Variants in HOXD12 observed in about 807,000 individuals in gnomAD.
HOXD12 encodes homeobox protein Hox-D12.
HOXD12 carries 21 observed loss-of-function variants against 20.2 expected under a neutral mutation model. The ratio of observed to expected loss-of-function variants is 1.04; its 90% CI spans 0.74 to 1.50. The LOEUF (loss-of-function observed/expected upper bound fraction) is 1.50, where lower values mean the gene tolerates loss of function less well. HOXD12 is among the 40% of genes most tolerant of loss of function. HOXD12 has a pLI of 0.00. For synonymous variants in HOXD12, 196 were observed against 168.8 expected (o/e 1.16, Z -1.25); for missense variants, 472 against 365.5 (o/e 1.29, Z -2.38).
At position 176,100,147 on chromosome 2, in the gene HOXD12, C is replaced by A. The variant is rs750366434; in HGVS notation, c.346C>A (p.Arg116=). The A allele has an allele frequency of 6.2e-7, 1 of 1,611,296 alleles. No homozygotes were observed. The highest frequency in any genetic ancestry group is 8.5e-7 in the Non-Finnish European group (1 of 1,179,630). ...TGGGCCAGAGGAGCGCGGTCGTACC[C>A]GGCCGTCCTTCGCCCCCGAGTCTAG... The part of the protein sequence containing the change: ...AAGPEERGRT[R]PSFAPESSLA... The change falls in exon 1 of 2, where the codon CGG becomes AGG. Residue 116 remains arginine, a synonymous_variant. Coordinates refer to ENST00000406506, the MANE Select transcript of HOXD12 (RefSeq NM_021193.4).
In HOXD12 at chr2:176,100,172, G is replaced by A; in HGVS notation, c.371G>A (p.Ser124Asn). ...CGGCCGTCCTTCGCCCCCGAGTCTA[G>A]CCTGGCTCCTGCAGTGGCTGCTCTC... ...RTRPSFAPES[S>N]LAPAVAALKA... is the part of the protein sequence containing the mutation. Residue 124 changes from serine to asparagine, a missense_variant, in exon 1 of 2, where the codon AGC (serine) becomes AAC (asparagine). Physicochemically the swap from Ser to Asn is conservative, Grantham distance 46. Coordinates refer to ENST00000406506, the MANE Select transcript of HOXD12 (RefSeq NM_021193.4). The A allele has an allele frequency of 1.2e-6, 2 of 1,612,388 alleles. No homozygotes were observed. Among genetic ancestry groups the A allele is most frequent in the South Asian group, 1.1e-5 (1 of 91,062 alleles).
rs1038937126 is a variant in HOXD12, at chr2:176,100,858, G to A, written c.*98G>A. On this transcript the variant is annotated 3_prime_UTR_variant, in exon 2 of 2. Transcript: ENST00000406506. The stretch of plus-strand genomic sequence containing the variant: ...GGCTAAGGCTAAGGCTTTTCCTTCG[G>A]TTCCTTCTCTGCTGGCCCCAGAAGC... The A allele has an allele frequency of 7.3e-6, 6 of 816,630 alleles. No individual in the cohort carries two copies. In the African/African-American group the frequency reaches 1.0e-4, roughly 14 times the overall value. The allele number at this position is 816,630 out of a possible 1,614,324, so 50.6% of individuals were successfully genotyped here. A position where few individuals can be genotyped will look rare whatever the true frequency, so the allele number is the denominator to read the frequency against.
rs1559110732 is a variant in HOXD12 at position 176,099,836 on chromosome 2, T to G, written c.35T>G (p.Val12Gly). ...CGCAGTCTCTACAGAGCGGGCTATGTGGGCTCGCTTCTGAATCTGCAGTCG... is the reference window on the plus strand; with the variant it reads ...CGCAGTCTCTACAGAGCGGGCTATGGGGGCTCGCTTCTGAATCTGCAGTCG... ...CERSLYRAGY[V>G]GSLLNLQSPD... The change falls in exon 1 of 2, where the codon GTG becomes GGG. Residue 12 changes from valine to glycine, a missense_variant. Transcript: ENST00000406506. The G allele has an allele frequency of 7.1e-6, 11 of 1,549,426 alleles. No individual in the cohort carries two copies. Among genetic ancestry groups the G allele is most frequent in the Non-Finnish European group, 9.5e-6 (11 of 1,154,916 alleles).
rs1211646314 is a variant in HOXD12 at position 176,100,120 on chromosome 2, G to T, written c.319G>T (p.Ala107Ser). The T allele has an allele frequency of 6.2e-7, 1 of 1,609,902 alleles. No homozygotes were observed. The highest frequency in any genetic ancestry group is 8.5e-7 in the Non-Finnish European group (1 of 1,179,344). Reference protein sequence around the residue: ...QAKFYAPEAAAGPEERGRTRP... With the variant: ...QAKFYAPEAASGPEERGRTRP... The stretch of plus-strand genomic sequence containing the variant: ...TAAGTTCTATGCGCCCGAAGCGGCC[G>T]CTGGGCCAGAGGAGCGCGGTCGTAC... The change falls in exon 1 of 2, where the codon GCT becomes TCT. Residue 107 changes from alanine to serine, a missense_variant. Coordinates refer to ENST00000406506, the MANE Select transcript of HOXD12 (RefSeq NM_021193.4).
chr2:176,099,819 C>T lies in HOXD12; in HGVS notation c.18C>T (p.Leu6=), dbSNP rs746182053. Residue 6 remains leucine, a synonymous_variant, in exon 1 of 2, where the codon CTC becomes CTT. Transcript: ENST00000406506. ...TGTTGGAGATGTGTGAGCGCAGTCT[C>T]TACAGAGCGGGCTATGTGGGCTCGC... MCERS[L]YRAGYVGSLL... is the part of the protein sequence containing the mutation. The T allele has an allele frequency of 1.3e-6, 2 of 1,523,902 alleles. No individual in the cohort carries two copies. Among genetic ancestry groups the T allele is most frequent in the Admixed American group, 4.5e-5 (2 of 44,402 alleles). 94.4% of individuals were successfully genotyped at this position (1,523,902 alleles called of 1,614,324 possible). A position where few individuals can be genotyped will look rare whatever the true frequency, so the allele number is the denominator to read the frequency against.
In HOXD12 at chr2:176,100,089, G is replaced by T. The variant is rs745722143; in HGVS notation, c.288G>T (p.Glu96Asp). The change falls in exon 1 of 2, where the codon GAG becomes GAT. Residue 96 changes from glutamate (E) to aspartate (D), a missense_variant. Coordinates refer to ENST00000406506, the MANE Select transcript of HOXD12 (RefSeq NM_021193.4). ...CAACAGCCAAAGACGGACCCGAAGA[G>T]CAGGCTAAGTTCTATGCGCCCGAAG... The part of the protein sequence containing the change: ...QPPTAKDGPE[E>D]QAKFYAPEAA... 2 of 1,603,940 alleles carry T rather than the reference G, an allele frequency of 1.2e-6. No individual in the cohort carries two copies. The highest frequency in any genetic ancestry group is 4.5e-5 in the East Asian group (2 of 44,604).
At position 176,100,834 on chromosome 2, in the gene HOXD12, G is replaced by A; in HGVS notation, c.*74G>A. On this transcript the variant is annotated 3_prime_UTR_variant, in exon 2 of 2. Transcript: ENST00000406506. ...CCTTGTTTGGGGAGGGGGATCTGGG[G>A]CTAAGGCTAAGGCTTTTCCTTCGGT... is the stretch of plus-strand genomic sequence containing the variant. The A allele has an allele frequency of 2.1e-6, 2 of 949,776 alleles. No homozygotes were observed. The highest frequency in any genetic ancestry group is 1.5e-5 in the South Asian group (1 of 67,698). The allele number at this position is 949,776 out of a possible 1,614,324, so 58.8% of individuals were successfully genotyped here. A position where few individuals can be genotyped will look rare whatever the true frequency, so the allele number is the denominator to read the frequency against.
At position 176,101,452 on chromosome 2, in the gene HOXD12, G is replaced by T. The variant is rs1486628174; in HGVS notation, c.*692G>T. ...GAAATAGGCTGGCCTATTTCCAGCT[G>T]GGTAGAATATGTGGAACCTTCATTT... On this transcript the variant is annotated 3_prime_UTR_variant, in exon 2 of 2. Transcript: ENST00000406506. Among the ~76,000 whole-genome samples the T allele has an allele frequency of 6.6e-6, 1 of 152,054 alleles. No individual in the cohort carries two copies. Among genetic ancestry groups the T allele is most frequent in the Non-Finnish European group, 1.5e-5 (1 of 68,002 alleles).
Position 176,101,683 on chromosome 2 carries a change from A to G in HOXD12, c.*923A>G, listed in dbSNP as rs1343419154. 6.6e-6 allele frequency among the ~76,000 whole-genome samples: 1 copy of G among 152,172 alleles called. No individual in the cohort carries two copies. Among genetic ancestry groups the G allele is most frequent in the African/African-American group, 2.4e-5 (1 of 41,432 alleles). On this transcript the variant is annotated 3_prime_UTR_variant, in exon 2 of 2. Coordinates refer to ENST00000406506, the MANE Select transcript of HOXD12 (RefSeq NM_021193.4). ...TGCACAGGGAGAGGGAAAAATATCC[A>G]GGGGAGGAGAAGGGAGTGAATAAGA...
Position 176,100,208 on chromosome 2 carries a change from AG to A in HOXD12, c.408del (p.Lys136AsnfsTer37). 1 of 1,612,298 alleles carries A rather than the reference AG, an allele frequency of 6.2e-7. No individual in the cohort carries two copies. The highest frequency in any genetic ancestry group is 8.5e-7 in the Non-Finnish European group (1 of 1,179,782). On this transcript the variant is annotated frameshift_variant, in exon 1 of 2. Transcript: ENST00000406506. LOFTEE classifies it high-confidence loss of function. Reference protein sequence around the residue: ...APAVAALKAAKYDYAGVGRAT... With the variant: ...APAVAALKAAXYDYAGVGRAT... ...GCAGTGGCTGCTCTCAAAGCGGCCAAGTATGACTACGCTGGTGTGGGTCGTG... is the reference window on the plus strand; with the variant it reads ...GCAGTGGCTGCTCTCAAAGCGGCCAATATGACTACGCTGGTGTGGGTCGTG...
intron 1 of HOXD12, 40 bp downstream of exon 1, chr2:176,100,415 G>A (rs1317481082): frequency 1.2e-6 from 2 of 1,608,380 alleles, no homozygotes; most frequent in African/African-American, 1.3e-5. Flanking sequence ...TTTGGGCCGG[G>A]ATGGGAGGTG....
chr2:176,099,796 T>C lies in HOXD12; in HGVS notation c.-6T>C, dbSNP rs756160091. 2 of 1,453,200 alleles carry C rather than the reference T, an allele frequency of 1.4e-6. No individual in the cohort carries two copies. The highest frequency in any genetic ancestry group is 1.8e-6 in the Non-Finnish European group (2 of 1,101,466). 90.0% of individuals were successfully genotyped at this position (1,453,200 alleles called of 1,614,324 possible). A position where few individuals can be genotyped will look rare whatever the true frequency, so the allele number is the denominator to read the frequency against. ...TTGCGAGCGCAGCCGAAGCCCTTTG[T>C]TGGAGATGTGTGAGCGCAGTCTCTA... On this transcript the variant is annotated 5_prime_UTR_variant, in exon 1 of 2. Coordinates refer to ENST00000406506, the MANE Select transcript of HOXD12 (RefSeq NM_021193.4).
rs1285897211 is a variant in HOXD12, at chr2:176,100,050, C to T, written c.249C>T (p.Leu83=). ...CCTACCTGGCTGGCTCCGGGCCTCTCGGCCTGCAGCCCCCAACAGCCAAAG... is the reference window on the plus strand; with the variant it reads ...CCTACCTGGCTGGCTCCGGGCCTCTTGGCCTGCAGCCCCCAACAGCCAAAG... ...SQPYLAGSGP[L]GLQPPTAKDG... is the part of the protein sequence containing the mutation. The change falls in exon 1 of 2, where the codon CTC becomes CTT. Residue 83 remains leucine, a synonymous_variant. Transcript: ENST00000406506. The T allele has an allele frequency of 1.3e-6, 2 of 1,582,446 alleles. No homozygotes were observed. The highest frequency in any genetic ancestry group is 1.2e-5 in the South Asian group (1 of 86,936).
chr2:176,100,486 C>G, intron 1 of HOXD12, 36 bp from the exon 2 acceptor site: 3 of 1,586,356 alleles, frequency 1.9e-6, no homozygotes, highest in Non-Finnish European at 2.6e-6. Context: ...AGACAGAGTA[C>G]GGGCTGGGTT....
chr2:176,100,290 G>A lies in HOXD12; in HGVS notation c.489G>A (p.Lys163=). ...LQGAPCAPGF[K]DDTKGPLNLN... Reference sequence around the variant, plus strand: ...GGGCTCCCTGCGCCCCTGGCTTCAAGGACGACACCAAGGGCCCGCTCAACT... The same window carrying A: ...GGGCTCCCTGCGCCCCTGGCTTCAAAGACGACACCAAGGGCCCGCTCAACT... Residue 163 remains lysine (K), a synonymous_variant, in exon 1 of 2, where the codon AAG becomes AAA. Transcript: ENST00000406506. 6.2e-7 allele frequency: 1 copy of A among 1,612,640 alleles called. No individual in the cohort carries two copies. Among genetic ancestry groups the A allele is most frequent in the Non-Finnish European group, 8.5e-7 (1 of 1,179,858 alleles).
chr2:176,100,544 G>T lies in HOXD12; in HGVS notation c.597G>T (p.Pro199=), dbSNP rs780974874. The T allele has an allele frequency of 4.4e-6, 7 of 1,607,990 alleles. No individual in the cohort carries two copies. The East Asian group carries it at 1.1e-4, about 26-fold the overall frequency. The part of the protein sequence containing the change: ...LPDGLPWGAA[P]GRARKKRKPY... ...CAGGCCTGCCGTGGGGGGCGGCCCC[G>T]GGGAGGGCCCGCAAGAAGCGGAAAC... is the stretch of plus-strand genomic sequence containing the variant. Residue 199 remains proline (P), a synonymous_variant, in exon 2 of 2, where the codon CCG becomes CCT. Transcript: ENST00000406506.
In HOXD12 at chr2:176,101,043, C is replaced by A; in HGVS notation, c.*283C>A. The stretch of plus-strand genomic sequence containing the variant: ...CAACTCTCCTTGCTCCTGGCTGGGG[C>A]ATTTGCACCCACCGCTCATTCTTGC... On this transcript the variant is annotated 3_prime_UTR_variant, in exon 2 of 2. Transcript: ENST00000406506. 1.9e-6 allele frequency: 1 copy of A among 521,404 alleles called. No homozygotes were observed. The highest frequency in any genetic ancestry group is 2.5e-5 in the South Asian group (1 of 40,492). 32.3% of individuals were successfully genotyped at this position (521,404 alleles called of 1,614,324 possible).
Position 176,101,391 on chromosome 2 carries a change from G to A in HOXD12, c.*631G>A, listed in dbSNP as rs1360636447. On this transcript the variant is annotated 3_prime_UTR_variant, in exon 2 of 2. Transcript: ENST00000406506. The stretch of plus-strand genomic sequence containing the variant: ...GAGGGAAGGGGAGGGGCTGGGTAGT[G>A]GGGTAAACTTGGAGATATCTCGAAA... 1.3e-5 allele frequency among the ~76,000 whole-genome samples: 2 copies of A among 151,436 alleles called. No individual in the cohort carries two copies. Among genetic ancestry groups the A allele is most frequent in the Middle Eastern group, 3.2e-3 (1 of 310 alleles).
intron 1 of HOXD12, 43 bp downstream of exon 1, chr2:176,100,418 G>A (rs570600313): frequency 1.2e-6 from 2 of 1,606,308 alleles, no homozygotes; most frequent in South Asian, 2.2e-5. Flanking sequence ...GGGCCGGGAT[G>A]GGAGGTGGGG....
Sources: gnomAD v4.1 joint callset for allele counts (sites outside exome capture counted in the v4.1 genomes callset) on GRCh38, gnomAD v4.1.1 for gene constraint, MANE v1.5 for transcripts, NCBI Gene and HGNC (gene_info 2026-07-23, HGNC 2026-07-21) for gene names.